The following KRTAP3-3 variants were observed in gnomAD, a reference collection of about 807,000 sequenced individuals.
The protein encoded by KRTAP3-3 is keratin associated protein 3-3.
KRTAP3-3 carries 8 observed loss-of-function variants against 5.7 expected under a neutral mutation model. The ratio of observed to expected loss-of-function variants is 1.40; its 90% CI spans 0.82 to 2.52. The LOEUF is 2.52. Among genes scored for constraint, KRTAP3-3 ranks in the 30% most tolerant of loss-of-function variants. The probability of loss-of-function intolerance (pLI) is 0.00; values close to 1 mark genes in which losing one functional copy is unlikely to be tolerated. For missense variants in KRTAP3-3, 98 were observed against 121.5 expected (o/e 0.81, Z 0.91); for synonymous variants, 49 against 47.0 (o/e 1.04, Z -0.17).
Position 40,993,739 on chromosome 17 carries a change from T to C in KRTAP3-3, c.*62A>G. On this transcript the variant is annotated 3_prime_UTR_variant, in exon 1 of 1. Transcript: ENST00000391586. ...CATTAGTTGTAGGTACTGAGATAGG[T>C]GAATGCTAAAGCTTCTATGTTGACT... 6.3e-7 allele frequency: 1 copy of C among 1,581,132 alleles called. No homozygotes were observed. Among genetic ancestry groups the C allele is most frequent in the Non-Finnish European group, 8.6e-7 (1 of 1,161,036 alleles).
rs1480115108 is a variant in KRTAP3-3 at position 40,993,457 on chromosome 17, A to T, written c.*344T>A. 5 of 289,432 alleles carry T rather than the reference A, an allele frequency of 1.7e-5. No homozygotes were observed. The highest frequency in any genetic ancestry group is 3.2e-5 in the Non-Finnish European group (5 of 155,268). The allele number at this position is 289,432 out of a possible 1,614,324, so 17.9% of individuals were successfully genotyped here. On this transcript the variant is annotated 3_prime_UTR_variant, in exon 1 of 1. Coordinates refer to ENST00000391586, the MANE Select transcript of KRTAP3-3 (RefSeq NM_033185.3). ...GTGCTATGCCAGAGATGTAAAATTTATTAGGATAATCATGAAGAACTTCCT... is the reference window on the plus strand; with the variant it reads ...GTGCTATGCCAGAGATGTAAAATTTTTTAGGATAATCATGAAGAACTTCCT...
In KRTAP3-3 at chr17:40,993,536, A is replaced by G; in HGVS notation, c.*265T>C. On this transcript the variant is annotated 3_prime_UTR_variant, in exon 1 of 1. Transcript: ENST00000391586. Reference sequence around the variant, plus strand: ...TGAAAACAGAATTCCCAAACCACCCACAGAAAGAGACACTTTAATATGAAG... The same window carrying G: ...TGAAAACAGAATTCCCAAACCACCCGCAGAAAGAGACACTTTAATATGAAG... 1 of 481,808 alleles carries G rather than the reference A, an allele frequency of 2.1e-6. No homozygotes were observed. The highest frequency in any genetic ancestry group is 3.6e-6 in the Non-Finnish European group (1 of 278,840). 29.8% of individuals were successfully genotyped at this position (481,808 alleles called of 1,614,324 possible).
rs770828590 is a variant in KRTAP3-3 at position 40,993,655 on chromosome 17, T to C, written c.*146A>G. On this transcript the variant is annotated 3_prime_UTR_variant, in exon 1 of 1. Coordinates refer to ENST00000391586, the MANE Select transcript of KRTAP3-3 (RefSeq NM_033185.3). ...TCATTGAAAGTTTCTTGGTCTCTTTTTTTTTGCAGGGGGTGATTGTGGTAG... is the reference window on the plus strand; with the variant it reads ...TCATTGAAAGTTTCTTGGTCTCTTTCTTTTTGCAGGGGGTGATTGTGGTAG... 4.8e-5 allele frequency: 62 copies of C among 1,280,396 alleles called. 1 individual carries two copies. The Admixed American group carries it at 6.1e-4, about 13-fold the overall frequency. 79.3% of individuals were successfully genotyped at this position (1,280,396 alleles called of 1,614,324 possible). A position where few individuals can be genotyped will look rare whatever the true frequency, so the allele number is the denominator to read the frequency against.
chr17:40,993,751 C>G lies in KRTAP3-3; in HGVS notation c.*50G>C. 1.3e-6 allele frequency: 2 copies of G among 1,595,418 alleles called. No homozygotes were observed. The highest frequency in any genetic ancestry group is 1.7e-6 in the Non-Finnish European group (2 of 1,169,092). ...GTACTGAGATAGGTGAATGCTAAAG[C>G]TTCTATGTTGACTTTTTCAATCTCA... is the stretch of plus-strand genomic sequence containing the variant. On this transcript the variant is annotated 3_prime_UTR_variant, in exon 1 of 1. Transcript: ENST00000391586.
Position 40,993,591 on chromosome 17 carries a change from A to T in KRTAP3-3, c.*210T>A. 1 of 664,686 alleles carries T rather than the reference A, an allele frequency of 1.5e-6. No homozygotes were observed. Among genetic ancestry groups the T allele is most frequent in the Non-Finnish European group, 2.5e-6 (1 of 406,578 alleles). The allele number at this position is 664,686 out of a possible 1,614,324, so 41.2% of individuals were successfully genotyped here. A position where few individuals can be genotyped will look rare whatever the true frequency, so the allele number is the denominator to read the frequency against. On this transcript the variant is annotated 3_prime_UTR_variant, in exon 1 of 1. Coordinates refer to ENST00000391586, the MANE Select transcript of KRTAP3-3 (RefSeq NM_033185.3). ...CGAACAGCTTCAGGAAGCTATAGGC[A>T]TCCACTGATTCAAACTGCAGTTGGT...
At position 40,993,724 on chromosome 17, in the gene KRTAP3-3, A is replaced by T; in HGVS notation, c.*77T>A. On this transcript the variant is annotated 3_prime_UTR_variant, in exon 1 of 1. Transcript: ENST00000391586. Reference sequence around the variant, plus strand: ...TTCTAAAGCAGAGTACATTAGTTGTAGGTACTGAGATAGGTGAATGCTAAA... The same window carrying T: ...TTCTAAAGCAGAGTACATTAGTTGTTGGTACTGAGATAGGTGAATGCTAAA... 1.9e-6 allele frequency: 3 copies of T among 1,552,842 alleles called. No homozygotes were observed. The South Asian group carries it at 3.7e-5, about 19-fold the overall frequency.
In KRTAP3-3 at chr17:40,993,644, T is replaced by A. The variant is rs112638362; in HGVS notation, c.*157A>T. ...TAGCTGAATGGTCATTGAAAGTTTC[T>A]TGGTCTCTTTTTTTTTGCAGGGGGT... On this transcript the variant is annotated 3_prime_UTR_variant, in exon 1 of 1. Transcript: ENST00000391586. The A allele has an allele frequency of 8.5e-7, 1 of 1,178,946 alleles. No homozygotes were observed. Among genetic ancestry groups the A allele is most frequent in the East Asian group, 2.5e-5 (1 of 39,314 alleles). The allele number at this position is 1,178,946 out of a possible 1,614,324, so 73.0% of individuals were successfully genotyped here.
In KRTAP3-3 at chr17:40,994,007, A is replaced by T; in HGVS notation, c.91T>A (p.Cys31Ser). 1 of 1,614,194 alleles carries T rather than the reference A, an allele frequency of 6.2e-7. No individual in the cohort carries two copies. Among genetic ancestry groups the T allele is most frequent in the South Asian group, 1.1e-5 (1 of 91,082 alleles). Residue 31 changes from cysteine to serine, a missense_variant, in exon 1 of 1, where the codon TGC (cysteine) becomes AGC (serine). Physicochemically the swap from Cys to Ser is moderately radical, Grantham distance 112 (BLOSUM62 -1). Transcript: ENST00000391586. ...GTGTGTGGGCAGGTGCTGGGCAGGC[A>T]GACTCCACAGCGGCAGGATTTGTCA... ...SSDKSCRCGV[C>S]LPSTCPHTVW...
Position 40,994,154 on chromosome 17 carries a change from G to A in KRTAP3-3, c.-57C>T. 4 of 1,583,224 alleles carry A rather than the reference G, an allele frequency of 2.5e-6. No individual in the cohort carries two copies. On this transcript the variant is annotated 5_prime_UTR_variant, in exon 1 of 1. Coordinates refer to ENST00000391586, the MANE Select transcript of KRTAP3-3 (RefSeq NM_033185.3). ...GATTGAAAAGAAGGATAAGGCTTCT[G>A]AGGTGTGAATATCTCTCCTTTCTCT...
In KRTAP3-3 at chr17:40,994,015, C is replaced by G. The variant is rs369870393; in HGVS notation, c.83G>C (p.Cys28Ser). Residue 28 changes from cysteine (C) to serine (S), a missense_variant, in exon 1 of 1, where the codon TGT becomes TCT. By Grantham distance (112) the Cys-to-Ser change is moderately radical. Coordinates refer to ENST00000391586, the MANE Select transcript of KRTAP3-3 (RefSeq NM_033185.3). ...GCAGGTGCTGGGCAGGCAGACTCCA[C>G]AGCGGCAGGATTTGTCAGAGGAGCA... is the stretch of plus-strand genomic sequence containing the variant. ...TICSSDKSCR[C>S]GVCLPSTCPH... 1.2e-6 allele frequency: 2 copies of G among 1,614,062 alleles called. No homozygotes were observed. The highest frequency in any genetic ancestry group is 1.7e-6 in the Non-Finnish European group (2 of 1,180,018).
Position 40,993,841 on chromosome 17 carries a change from G to A in KRTAP3-3, c.257C>T (p.Thr86Ile). The A allele has an allele frequency of 6.2e-7, 1 of 1,614,268 alleles. No individual in the cohort carries two copies. The highest frequency in any genetic ancestry group is 8.5e-7 in the Non-Finnish European group (1 of 1,180,044). ...GLETLNLTTF[T>I]QPCCEPCLPR... The stretch of plus-strand genomic sequence containing the variant: ...GAGGCAGGGCTCACAGCAGGGCTGA[G>A]TGAAGGTGGTGAGGTTGAGGGTCTC... Residue 86 changes from threonine (T) to isoleucine (I), a missense_variant, in exon 1 of 1, where the codon ACT becomes ATT. Coordinates refer to ENST00000391586, the MANE Select transcript of KRTAP3-3 (RefSeq NM_033185.3).
rs1293396274 is a variant in KRTAP3-3 at position 40,994,031 on chromosome 17, C to G, written c.67G>C (p.Asp23His). The G allele has an allele frequency of 6.2e-7, 1 of 1,614,030 alleles. No individual in the cohort carries two copies. Among genetic ancestry groups the G allele is most frequent in the Non-Finnish European group, 8.5e-7 (1 of 1,180,026 alleles). The change falls in exon 1 of 1, where the codon GAC becomes CAC. Residue 23 changes from aspartate (D) to histidine (H), a missense_variant. Asp to His is a moderately conservative substitution (Grantham distance 81). Coordinates refer to ENST00000391586, the MANE Select transcript of KRTAP3-3 (RefSeq NM_033185.3). ...CAGACTCCACAGCGGCAGGATTTGTCAGAGGAGCAGATGGTGGTGGCAGGC... is the reference window on the plus strand; with the variant it reads ...CAGACTCCACAGCGGCAGGATTTGTGAGAGGAGCAGATGGTGGTGGCAGGC... ...TGPATTICSSDKSCRCGVCLP... is the reference protein window; with the variant it reads ...TGPATTICSSHKSCRCGVCLP...
Position 40,993,486 on chromosome 17 carries a change from T to C in KRTAP3-3, c.*315A>G. ...GGATAATCATGAAGAACTTCCTTAA[T>C]TTTCAGAAAGATACCACCCAAGACT... is the stretch of plus-strand genomic sequence containing the variant. On this transcript the variant is annotated 3_prime_UTR_variant, in exon 1 of 1. Transcript: ENST00000391586. The C allele has an allele frequency of 2.7e-6, 1 of 368,644 alleles. No homozygotes were observed. Among genetic ancestry groups the C allele is most frequent in the Non-Finnish European group, 4.9e-6 (1 of 205,418 alleles). 22.8% of individuals were successfully genotyped at this position (368,644 alleles called of 1,614,324 possible).
Position 40,993,946 on chromosome 17 carries a change from C to T in KRTAP3-3, c.152G>A (p.Cys51Tyr). The T allele has an allele frequency of 6.2e-7, 1 of 1,614,048 alleles. No homozygotes were observed. The highest frequency in any genetic ancestry group is 8.5e-7 in the Non-Finnish European group (1 of 1,179,996). ...WLLEPTCCDN[C>Y]PPPCHIPQPC... ...CTGAGGAATGTGGCAGGGTGGGGGA[C>T]AGTTGTCACAGCAGGTGGGCTCCAG... Residue 51 changes from cysteine to tyrosine, a missense_variant, in exon 1 of 1, where the codon TGT becomes TAT. By Grantham distance (194) the Cys-to-Tyr change is radical. Coordinates refer to ENST00000391586, the MANE Select transcript of KRTAP3-3 (RefSeq NM_033185.3).
At position 40,993,812 on chromosome 17, in the gene KRTAP3-3, T is replaced by C. The variant is rs1020319562; in HGVS notation, c.286A>G (p.Arg96Gly). Residue 96 changes from arginine (R) to glycine (G), a missense_variant, in exon 1 of 1, where the codon AGA (arginine) becomes GGA (glycine). By Grantham distance (125) the Arg-to-Gly change is moderately radical (BLOSUM62 -2). Coordinates refer to ENST00000391586, the MANE Select transcript of KRTAP3-3 (RefSeq NM_033185.3). Reference sequence around the variant, plus strand: ...AAAGTAGCCATCCATTAGCAGCCTCTTGGGAGGCAGGGCTCACAGCAGGGC... The same window carrying C: ...AAAGTAGCCATCCATTAGCAGCCTCCTGGGAGGCAGGGCTCACAGCAGGGC... The part of the protein sequence containing the change: ...TQPCCEPCLP[R>G]GC The C allele has an allele frequency of 1.9e-6, 3 of 1,614,032 alleles. No individual in the cohort carries two copies. The highest frequency in any genetic ancestry group is 2.5e-6 in the Non-Finnish European group (3 of 1,179,864).
At position 40,993,744 on chromosome 17, in the gene KRTAP3-3, G is replaced by A. The variant is rs146288467; in HGVS notation, c.*57C>T. ...GTTGTAGGTACTGAGATAGGTGAAT[G>A]CTAAAGCTTCTATGTTGACTTTTTC... On this transcript the variant is annotated 3_prime_UTR_variant, in exon 1 of 1. Coordinates refer to ENST00000391586, the MANE Select transcript of KRTAP3-3 (RefSeq NM_033185.3). 1.0e-3 allele frequency: 1,647 copies of A among 1,587,750 alleles called. 13 individuals carry two copies. In the African/African-American group the frequency reaches 0.019, roughly 18 times the overall value.
rs146610892 is a variant in KRTAP3-3, at chr17:40,993,914, C to T, written c.184G>A (p.Val62Met). 374 of 1,613,824 alleles carry T rather than the reference C, an allele frequency of 2.3e-4. 2 individuals are homozygous for T. In the African/African-American group the frequency reaches 4.1e-3, roughly 18 times the overall value. The change falls in exon 1 of 1, where the codon GTG (valine) becomes ATG (methionine). Residue 62 changes from valine to methionine, a missense_variant. Val to Met is a conservative substitution (Grantham distance 21). Transcript: ENST00000391586. ...GAGTTGAGCAGGAAGCAGGTGGGCACGCAGGGCTGAGGAATGTGGCAGGGT... is the reference window on the plus strand; with the variant it reads ...GAGTTGAGCAGGAAGCAGGTGGGCATGCAGGGCTGAGGAATGTGGCAGGGT... Reference protein sequence around the residue: ...PPPCHIPQPCVPTCFLLNSCQ... With the variant: ...PPPCHIPQPCMPTCFLLNSCQ...
chr17:40,993,626 A>G lies in KRTAP3-3; in HGVS notation c.*175T>C, dbSNP rs1033258828. 1.0e-6 allele frequency: 1 copy of G among 968,430 alleles called. No homozygotes were observed. Among genetic ancestry groups the G allele is most frequent in the African/African-American group, 1.7e-5 (1 of 60,562 alleles). The allele number at this position is 968,430 out of a possible 1,614,324, so 60.0% of individuals were successfully genotyped here. A position where few individuals can be genotyped will look rare whatever the true frequency, so the allele number is the denominator to read the frequency against. The stretch of plus-strand genomic sequence containing the variant: ...TCAAACTGCAGTTGGTTATAGCTGA[A>G]TGGTCATTGAAAGTTTCTTGGTCTC... On this transcript the variant is annotated 3_prime_UTR_variant, in exon 1 of 1. Coordinates refer to ENST00000391586, the MANE Select transcript of KRTAP3-3 (RefSeq NM_033185.3).
At position 40,993,998 on chromosome 17, in the gene KRTAP3-3, T is replaced by C; in HGVS notation, c.100A>G (p.Ser34Gly). 6.2e-7 allele frequency: 1 copy of C among 1,614,114 alleles called. No individual in the cohort carries two copies. The highest frequency in any genetic ancestry group is 8.5e-7 in the Non-Finnish European group (1 of 1,180,018). Residue 34 changes from serine to glycine, a missense_variant, in exon 1 of 1, where the codon AGC becomes GGC. Coordinates refer to ENST00000391586, the MANE Select transcript of KRTAP3-3 (RefSeq NM_033185.3). ...KSCRCGVCLP[S>G]TCPHTVWLLE... ...AACCAAACTGTGTGTGGGCAGGTGC[T>C]GGGCAGGCAGACTCCACAGCGGCAG...
Sources: gnomAD v4.1 joint callset for allele counts on GRCh38, gnomAD v4.1.1 for gene constraint, MANE v1.5 for transcripts, NCBI Gene and HGNC (gene_info 2026-07-23, HGNC 2026-07-21) for gene names.